Variants in TRPM8 observed in about 807,000 individuals in gnomAD.
TRPM8 encodes TRPM8 cationic channel.
Under a neutral mutation model 133.7 loss-of-function variants are expected in TRPM8, and 110 were observed. The observed-to-expected ratio is 0.82, with a 90% confidence interval of 0.70 to 0.96. The LOEUF is 0.96. Among genes scored for constraint, TRPM8 ranks in the 40% least tolerant of loss-of-function variants. The pLI is 0.00. For synonymous variants in TRPM8, 535 were observed against 532.3 expected, an observed-to-expected ratio of 1.01 and a Z score of -0.07; for missense variants, 1,291 against 1,379.5, an observed-to-expected ratio of 0.94 and a Z score of 1.02.
chr2:233,983,029 C>T (rs201311533), intron 19 of TRPM8, 24 bp from the exon 20 acceptor site: 29 of 1,602,836 alleles, frequency 1.8e-5, no homozygotes, highest in East Asian at 1.3e-4. Flanking sequence ...GTCCTGACTC[C>T]GCTCTCCTGT....
rs145069600 is a variant in TRPM8, at chr2:233,950,072, G to C, written c.1066G>C (p.Glu356Gln). ...TGCCCTGACATCTTCTGCCGTCAAG[G>C]AGAAGCTGGTGCGCTTTTTACCCCG... Reference protein sequence around the residue: ...EDALTSSAVKEKLVRFLPRTV... With the variant: ...EDALTSSAVKQKLVRFLPRTV... Residue 356 changes from glutamate to glutamine, a missense_variant, in exon 9 of 26, where the codon GAG becomes CAG. Glu to Gln is a conservative substitution (Grantham distance 29). Transcript: ENST00000324695. 9.0e-5 allele frequency: 145 copies of C among 1,613,944 alleles called. No homozygotes were observed. Among genetic ancestry groups the C allele is most frequent in the South Asian group, 2.4e-4 (22 of 91,066 alleles).
chr2:233,956,948 G>A (rs1248501725), intron 11 of TRPM8, among the ~76,000 whole-genome samples: 2 of 152,168 alleles, frequency 1.3e-5, no homozygotes, highest in African/African-American at 2.4e-5. Context: ...TAGGCACATC[G>A]TGAATGGTAC....
At chr2:233,958,068 A>G (rs761355645) in intron 11 of TRPM8, among the ~76,000 whole-genome samples, 62 of 152,226 alleles carry the variant, frequency 4.1e-4, no homozygotes, top group Non-Finnish European at 1.5e-4. Context: ...ACAGTGCCCA[A>G]GCAGTTTCTC....
rs369134499 is a variant in TRPM8 at position 234,019,177 on chromosome 2, A to T, written c.*1921A>T. The stretch of plus-strand genomic sequence containing the variant: ...AAAATAACTACTCACAACATTCACT[A>T]TGTTTGCAAGGAATTAACACAAATA... On this transcript the variant is annotated 3_prime_UTR_variant, in exon 26 of 26. Coordinates refer to ENST00000324695, the MANE Select transcript of TRPM8 (RefSeq NM_024080.5). The T allele has an allele frequency of 5.9e-5, 9 of 152,210 alleles. No homozygotes were observed. Among genetic ancestry groups the T allele is most frequent in the African/African-American group, 1.9e-4 (8 of 41,444 alleles). 9.4% of individuals were successfully genotyped at this position (152,210 alleles called of 1,614,324 possible).
At chr2:233,974,838 G>A (rs539220619) in intron 17 of TRPM8, among the ~76,000 whole-genome samples, 8 of 152,092 alleles carry the variant, frequency 5.3e-5, no homozygotes, top group Non-Finnish European at 1.2e-4. Context: ...TTCATAGCCT[G>A]GTGGGGAAAT....
At chr2:233,982,925 G>A in intron 19 of TRPM8, 128 bp from the exon 20 acceptor site, 1 of 964,746 alleles carries the variant, frequency 1.0e-6, no homozygotes, top group Non-Finnish European at 1.6e-6. Flanking sequence ...GTGAACTCTG[G>A]GTGACTTAGA....
At chr2:233,934,027 A>C (rs1691733463) in intron 3 of TRPM8, 2 of 167,090 alleles carry the variant, frequency 1.2e-5, no homozygotes, top group Non-Finnish European at 2.9e-5. Flanking sequence ...AGAAAATATT[A>C]AATGCCTTGA....
Position 233,946,016 on chromosome 2 carries a change from A to C in TRPM8, c.860A>C (p.Glu287Ala), listed in dbSNP as rs1447488914. 6.2e-6 allele frequency: 10 copies of C among 1,614,108 alleles called. No homozygotes were observed. The South Asian group carries it at 6.6e-5, about 11-fold the overall frequency. Residue 287 changes from glutamate (E) to alanine (A), a missense_variant, in exon 7 of 26, where the codon GAG becomes GCG. By Grantham distance (107) the Glu-to-Ala change is moderately radical. Transcript: ENST00000324695. ...AATCAGCTAGAGAAGTATATCTCTGAGCGCACTATTCAAGGTCAGTGGTTA... is the reference window on the plus strand; with the variant it reads ...AATCAGCTAGAGAAGTATATCTCTGCGCGCACTATTCAAGGTCAGTGGTTA... ...LRNQLEKYISERTIQDSNYGG... is the reference protein window; with the variant it reads ...LRNQLEKYISARTIQDSNYGG...
chr2:234,015,058 T>C (rs552856820), intron 25 of TRPM8, among the ~76,000 whole-genome samples: 2 of 152,384 alleles, frequency 1.3e-5, no homozygotes, highest in Admixed American at 6.5e-5. Context: ...CAAAGATGTC[T>C]TATTCTCATG....
intron 21 of TRPM8, among the ~76,000 whole-genome samples, chr2:233,991,525 C>G (rs73996643): frequency 6.6e-6 from 1 of 152,124 alleles, no homozygotes; most frequent in South Asian, 2.1e-4. Context: ...GGGGAAGGAG[C>G]GACAAAGGAA....
At chr2:233,963,590 A>G (rs769454200) in intron 13 of TRPM8, among the ~76,000 whole-genome samples, 9 of 152,178 alleles carry the variant, frequency 5.9e-5, no homozygotes, top group Non-Finnish European at 1.3e-4. Context: ...GCAGTCCAGT[A>G]GGCACCTGCT....
At chr2:233,971,939 T>C (rs537417729) in intron 17 of TRPM8, among the ~76,000 whole-genome samples, 4 of 152,298 alleles carry the variant, frequency 2.6e-5, no homozygotes, top group African/African-American at 9.6e-5. Flanking sequence ...CTGAGTGGTC[T>C]GTTTTGACAG....
intron 14 of TRPM8, 128 bp from the exon 15 acceptor site, chr2:233,966,482 C>T: frequency 8.7e-7 from 1 of 1,152,032 alleles, no homozygotes; most frequent in East Asian, 2.4e-5. Flanking sequence ...ATTTTCTATG[C>T]CTTTTGTAAG....
intron 17 of TRPM8, among the ~76,000 whole-genome samples, chr2:233,976,902 A>G (rs1691885879): frequency 6.6e-6 from 1 of 152,160 alleles, no homozygotes; most frequent in African/African-American, 2.4e-5. Flanking sequence ...AGACTCATGC[A>G]TTTGACATCC....
intron 22 of TRPM8, among the ~76,000 whole-genome samples, chr2:234,002,841 C>T (rs760736577): frequency 3.9e-5 from 6 of 152,212 alleles, no homozygotes; most frequent in Non-Finnish European, 8.8e-5. Context: ...TTGTGTCTTT[C>T]AGTGGCTGCT....
chr2:234,003,221 C>T lies in TRPM8; in HGVS notation c.3131-3632C>T, dbSNP rs78322212. ...CAGAATATAAATGTATTCACGACCCCGAACTCGTGTCATGCCTTAAAGAAT... is the reference window on the plus strand; with the variant it reads ...CAGAATATAAATGTATTCACGACCCTGAACTCGTGTCATGCCTTAAAGAAT... On this transcript the variant is annotated intron_variant, in intron 22 of 25. Coordinates refer to ENST00000324695, the MANE Select transcript of TRPM8 (RefSeq NM_024080.5). Among the ~76,000 whole-genome samples the T allele has an allele frequency of 5.9e-5, 9 of 152,252 alleles. No individual in the cohort carries two copies. In the East Asian group the frequency reaches 9.6e-4, roughly 16 times the overall value.
chr2:233,997,029 C>T (rs986797576), intron 22 of TRPM8, among the ~76,000 whole-genome samples: 1 of 152,310 alleles, frequency 6.6e-6, no homozygotes, highest in Admixed American at 6.5e-5. Context: ...CTTTGGGAGG[C>T]CTAGGCGGGC....
chr2:234,001,653 C>A (rs1467219411), intron 22 of TRPM8, among the ~76,000 whole-genome samples: 3 of 152,200 alleles, frequency 2.0e-5, no homozygotes, highest in South Asian at 4.1e-4. Flanking sequence ...AAAGGAGCAC[C>A]CCCCCTTAGC....
At chr2:234,012,806 CT>C (rs1041322261) in intron 24 of TRPM8, among the ~76,000 whole-genome samples, 6 of 150,474 alleles carry the variant, frequency 4.0e-5, no homozygotes, top group Admixed American at 6.6e-5. Flanking sequence ...TGTTGAGAGT[CT>C]TTTTTTTTCT....
Sources: allele counts gnomAD v4.1 joint callset (sites outside exome capture counted in the v4.1 genomes callset), GRCh38; gene constraint gnomAD v4.1.1; transcripts MANE v1.5; gene names NCBI Gene and HGNC (gene_info 2026-07-23, HGNC 2026-07-21).